The following NDUFAB1 variants were observed in gnomAD, a reference collection of about 807,000 sequenced individuals.
NDUFAB1 encodes acyl carrier protein, mitochondrial.
NDUFAB1 carries 5 observed loss-of-function variants against 16.1 expected under a neutral mutation model. The ratio of observed to expected loss-of-function variants is 0.31; its 90% CI spans 0.16 to 0.65. The LOEUF (loss-of-function observed/expected upper bound fraction) is 0.65, where lower values mean the gene tolerates loss of function less well. Among genes scored for constraint, NDUFAB1 ranks in the 30% least tolerant of loss-of-function variants. The pLI is 0.77. For synonymous variants in NDUFAB1, 85 were observed against 78.4 expected (o/e 1.08, Z -0.44); for missense variants, 187 against 205.3 (o/e 0.91, Z 0.54).
intron 1 of NDUFAB1, among the ~76,000 whole-genome samples, chr16:23,594,838 T>G (rs1294127251): frequency 6.6e-6 from 1 of 152,018 alleles, no homozygotes; most frequent in Non-Finnish European, 1.5e-5. Context: ...AAACCACTAT[T>G]ACCTGAAGTC....
intron 1 of NDUFAB1, among the ~76,000 whole-genome samples, chr16:23,588,326 G>T (rs1247776277): frequency 1.3e-5 from 2 of 151,886 alleles, no homozygotes; most frequent in African/African-American, 2.4e-5. Flanking sequence ...GTGGTGGTGG[G>T]CGCCTGTAAT....
At chr16:23,595,482 T>C (rs184893077) in intron 1 of NDUFAB1, 3 of 432,836 alleles carry the variant, frequency 6.9e-6, no homozygotes, top group Admixed American at 5.0e-5. Context: ...GCCCTCCTTA[T>C]ACGCGGGGCG....
At chr16:23,583,654 C>A (rs1488324949) in intron 3 of NDUFAB1, among the ~76,000 whole-genome samples, 2 of 121,954 alleles carry the variant, frequency 1.6e-5, no homozygotes, top group African/African-American at 3.5e-5. Flanking sequence ...CCCCTCCGCC[C>A]GGCAGCCGCC....
At chr16:23,595,607 C>G (rs1053791567) in intron 1 of NDUFAB1, 1 of 456,348 alleles carries the variant, frequency 2.2e-6, no homozygotes, top group African/African-American at 2.0e-5. Flanking sequence ...CCTAGAATTA[C>G]TTCCAGGAGT....
intron 1 of NDUFAB1, among the ~76,000 whole-genome samples, chr16:23,591,813 G>C (rs1966282784): frequency 6.6e-6 from 1 of 152,146 alleles, no homozygotes. Context: ...GATTGGTCAA[G>C]TATCTCTTTT....
chr16:23,592,546 T>A (rs1321796749), intron 1 of NDUFAB1, among the ~76,000 whole-genome samples: 1 of 152,088 alleles, frequency 6.6e-6, no homozygotes, highest in Non-Finnish European at 1.5e-5. Flanking sequence ...CTTTTTTTTG[T>A]ACAAGTGCTG....
chr16:23,592,427 A>G (rs1400630616), intron 1 of NDUFAB1, among the ~76,000 whole-genome samples: 1 of 151,774 alleles, frequency 6.6e-6, no homozygotes, highest in East Asian at 1.9e-4. Context: ...TGGTACACAG[A>G]TGACAGGCTT....
intron 1 of NDUFAB1, among the ~76,000 whole-genome samples, chr16:23,592,739 T>C (rs1356551510): frequency 6.6e-6 from 1 of 152,196 alleles, no homozygotes; most frequent in Non-Finnish European, 1.5e-5. Context: ...TATCATCTGG[T>C]ATTTTTATAC....
At chr16:23,582,787 C>T (rs1966192706) in intron 3 of NDUFAB1, among the ~76,000 whole-genome samples, 1 of 149,424 alleles carries the variant, frequency 6.7e-6, no homozygotes, top group African/African-American at 2.5e-5. Context: ...CCCAAGGTCT[C>T]CCTCTCCCTC....
intron 1 of NDUFAB1, among the ~76,000 whole-genome samples, chr16:23,592,465 G>C (rs1486803929): frequency 2.0e-5 from 3 of 152,160 alleles, no homozygotes; most frequent in South Asian, 4.1e-4. Context: ...GCCCAGGTCT[G>C]CAGAGCCTTA....
intron 1 of NDUFAB1, among the ~76,000 whole-genome samples, chr16:23,590,638 C>CTTTTTTTTTTTTTT (rs398042088): frequency 7.6e-6 from 1 of 131,834 alleles, no homozygotes. Context: ...CCTCTGGTCT[C>CTTTTTTTTTTTTTT]TTTTTTTTTT....
At chr16:23,581,546 T>TAAAA (rs60306232) in intron 4 of NDUFAB1, among the ~76,000 whole-genome samples, 2 of 123,010 alleles carry the variant, frequency 1.6e-5, no homozygotes, top group Non-Finnish European at 3.5e-5. Flanking sequence ...GTTCCATCTT[T>TAAAA]AAAAAAAAAA....
intron 3 of NDUFAB1, among the ~76,000 whole-genome samples, chr16:23,583,412 G>A (rs1189366468): frequency 6.7e-6 from 1 of 149,764 alleles, no homozygotes; most frequent in South Asian, 2.1e-4. Flanking sequence ...AGTGAGGAGC[G>A]CCTCTTCCCG....
intron 1 of NDUFAB1, among the ~76,000 whole-genome samples, chr16:23,594,055 G>A (rs1302895827): frequency 6.6e-6 from 1 of 151,598 alleles, no homozygotes; most frequent in Non-Finnish European, 1.5e-5. Flanking sequence ...TAATTATTTT[G>A]TATTTTTAGT....
At chr16:23,582,879 C>T (rs1199192329) in intron 3 of NDUFAB1, among the ~76,000 whole-genome samples, 2 of 151,676 alleles carry the variant, frequency 1.3e-5, no homozygotes, top group Admixed American at 1.3e-4. Flanking sequence ...CGAAGCTGGA[C>T]TGTACTGCCG....
At chr16:23,594,678 G>A (rs1489207312) in intron 1 of NDUFAB1, among the ~76,000 whole-genome samples, 2 of 150,208 alleles carry the variant, frequency 1.3e-5, no homozygotes, top group African/African-American at 4.9e-5. Context: ...TGTAGAGACG[G>A]GGTTCCACCA....
At chr16:23,582,463 C>T (rs535036223) in intron 3 of NDUFAB1, 88 bp from the exon 4 acceptor site, 4 of 1,369,512 alleles carry the variant, frequency 2.9e-6, no homozygotes, top group South Asian at 1.8e-5. Context: ...ACAACAGCTA[C>T]AAGTATATCA....
At position 23,589,299 on chromosome 16, in the gene NDUFAB1, GAAAAA is replaced by G. The variant is rs200912248; in HGVS notation, c.169-1985_169-1981del. Among the ~76,000 whole-genome samples the G allele has an allele frequency of 1.4e-3, 139 of 102,462 alleles. 1 individual carries two copies. The highest frequency in any genetic ancestry group is 4.7e-3 in the African/African-American group (133 of 28,576). The allele number at this position is 102,462 out of a possible 152,430, so 67.2% of individuals were successfully genotyped here. The stretch of plus-strand genomic sequence containing the variant: ...GTGACAGAGTGAGATTCCGTCTCAA[GAAAAA>G]AAAAAAAAAAATCAGGTTTAATCAG... On this transcript the variant is annotated intron_variant, in intron 1 of 4. Coordinates refer to ENST00000007516, the MANE Select transcript of NDUFAB1 (RefSeq NM_005003.3).
intron 1 of NDUFAB1, among the ~76,000 whole-genome samples, chr16:23,592,712 C>G (rs1966291162): frequency 6.6e-6 from 1 of 151,728 alleles, no homozygotes; most frequent in Non-Finnish European, 1.5e-5. Context: ...TTTGTTTTTT[C>G]CTTACCTTCT....
Sources: allele counts gnomAD v4.1 joint callset (sites outside exome capture counted in the v4.1 genomes callset), GRCh38; gene constraint gnomAD v4.1.1; transcripts MANE v1.5; gene names NCBI Gene and HGNC (gene_info 2026-07-23, HGNC 2026-07-21).